The following NALCN variants were observed in gnomAD, a reference collection of about 807,000 sequenced individuals.
NALCN encodes the protein sodium leak channel, non-selective, also known as sodium leak channel NALCN.
A neutral mutation model predicts 225.3 loss-of-function variants in NALCN; 111 were observed. The observed-to-expected ratio is 0.49, with a 90% confidence interval of 0.42 to 0.58. The LOEUF (loss-of-function observed/expected upper bound fraction) is 0.58. Among genes scored for constraint, NALCN ranks in the 20% least tolerant of loss-of-function variants. The pLI, the probability that NALCN is intolerant of heterozygous loss-of-function variation, is 0.00. For missense variants in NALCN, 1,378 were observed against 2,202.4 expected, an observed-to-expected ratio of 0.63 and a Z score of 7.49; for synonymous variants, 764 against 769.0, an observed-to-expected ratio of 0.99 and a Z score of 0.11.
At chr13:101,291,917 A>G (rs1293235784) in intron 9 of NALCN, 73 bp downstream of exon 9, 7 of 1,452,316 alleles carry the variant, frequency 4.8e-6, no homozygotes, top group African/African-American at 2.8e-5. Flanking sequence ...AGCTTCCCCA[A>G]GGTCCACTGA....
chr13:101,275,692 T>C (rs377762902), intron 10 of NALCN, among the ~76,000 whole-genome samples: 1 of 152,006 alleles, frequency 6.6e-6, no homozygotes, highest in East Asian at 1.9e-4. Context: ...GAGGAGGTCA[T>C]GTTGGGAGAT....
intron 17 of NALCN, among the ~76,000 whole-genome samples, chr13:101,136,651 T>G (rs1013172039): frequency 9.2e-5 from 14 of 152,262 alleles, no homozygotes; most frequent in African/African-American, 3.1e-4. Context: ...TTTTTATGAC[T>G]GCATAGTATT....
intron 18 of NALCN, among the ~76,000 whole-genome samples, chr13:101,115,991 G>A (rs1458138222): frequency 6.6e-6 from 1 of 152,156 alleles, no homozygotes; most frequent in Non-Finnish European, 1.5e-5. Flanking sequence ...TTGTCTGGGT[G>A]AGGAAATTCT....
chr13:101,233,680 C>G (rs1185106781), intron 12 of NALCN, among the ~76,000 whole-genome samples: 1 of 152,068 alleles, frequency 6.6e-6, no homozygotes, highest in African/African-American at 2.4e-5. Context: ...GGTATGCGGT[C>G]TTGGGCAAGT....
At chr13:101,066,559 C>G (rs568921994) in intron 39 of NALCN, among the ~76,000 whole-genome samples, 8 of 149,966 alleles carry the variant, frequency 5.3e-5, no homozygotes, top group Non-Finnish European at 1.0e-4. Flanking sequence ...ACTGACATCT[C>G]GGTGTGCAGG....
chr13:101,058,137 T>A (rs1318082790), intron 42 of NALCN, 81 bp from the exon 43 acceptor site: 1 of 1,202,714 alleles, frequency 8.3e-7, no homozygotes, highest in Non-Finnish European at 1.2e-6. Context: ...GGAAAACACA[T>A]GGCAGGAGGA....
At chr13:101,182,717 G>A (rs562117399) in intron 14 of NALCN, among the ~76,000 whole-genome samples, 26 of 152,228 alleles carry the variant, frequency 1.7e-4, no homozygotes, top group African/African-American at 4.3e-4. Context: ...CTGGCACTCC[G>A]GGTGAGAGAT....
intron 6 of NALCN, among the ~76,000 whole-genome samples, chr13:101,371,482 C>G (rs1440781114): frequency 1.3e-5 from 2 of 152,152 alleles, no homozygotes; most frequent in Non-Finnish European, 2.9e-5. Flanking sequence ...CTGTACCCAG[C>G]TTGATCAACT....
At chr13:101,288,444 C>G (rs1222286026) in intron 9 of NALCN, among the ~76,000 whole-genome samples, 1 of 152,010 alleles carries the variant, frequency 6.6e-6, no homozygotes, top group African/African-American at 2.4e-5. Context: ...TCCATTTTTT[C>G]TCTACTTTTT....
chr13:101,146,559 C>G (rs961926297), intron 15 of NALCN, among the ~76,000 whole-genome samples: 1 of 152,098 alleles, frequency 6.6e-6, no homozygotes, highest in Non-Finnish European at 1.5e-5. Context: ...TAGAAAAATA[C>G]TTGTCAGTGG....
chr13:101,387,888 A>T (rs1594772591), intron 3 of NALCN, among the ~76,000 whole-genome samples: 1 of 152,348 alleles, frequency 6.6e-6, no homozygotes, highest in East Asian at 1.9e-4. Context: ...TGCAAAGCTA[A>T]TAAAATATAA....
In NALCN at chr13:101,158,522, C is replaced by T. The variant is rs2038013573; in HGVS notation, c.1840-13626G>A. ...CTTAGAAAATATTCTTCTTGACAGTCCTTTCTTGACAAGCTACTGCTAGCT... is the reference window on the plus strand; with the variant it reads ...CTTAGAAAATATTCTTCTTGACAGTTCTTTCTTGACAAGCTACTGCTAGCT... On this transcript the variant is annotated intron_variant, in intron 15 of 43. Coordinates refer to ENST00000251127, the MANE Select transcript of NALCN (RefSeq NM_052867.4). Among the ~76,000 whole-genome samples, 4 of 152,240 alleles carry T rather than the reference C, an allele frequency of 2.6e-5. No homozygotes were observed. In the South Asian group the frequency reaches 8.3e-4, roughly 32 times the overall value.
At chr13:101,147,920 T>C (rs562865240) in intron 15 of NALCN, among the ~76,000 whole-genome samples, 2 of 152,264 alleles carry the variant, frequency 1.3e-5, no homozygotes, top group African/African-American at 4.8e-5. Context: ...TCTTTTTCTC[T>C]TGAACTCCAT....
At chr13:101,142,169 T>A (rs1223782783) in intron 17 of NALCN, among the ~76,000 whole-genome samples, 1 of 123,702 alleles carries the variant, frequency 8.1e-6, no homozygotes, top group Non-Finnish European at 1.6e-5. Context: ...TGAGATGGAG[T>A]CTCACTCTGT....
intron 7 of NALCN, among the ~76,000 whole-genome samples, chr13:101,307,168 C>T (rs776029654): frequency 5.3e-5 from 8 of 152,128 alleles, no homozygotes; most frequent in Admixed American, 3.3e-4. Context: ...CCCTCTTTGT[C>T]GCTTGGAGAA....
chr13:101,398,416 A>G lies in NALCN; in HGVS notation c.108+603T>C, dbSNP rs117334688. On this transcript the variant is annotated intron_variant, in intron 2 of 43. Transcript: ENST00000251127. The stretch of plus-strand genomic sequence containing the variant: ...AGAAGTTGATCCTGCTTGGTTTTGC[A>G]GAGCTGAGATTCCAGCACTCATGGA... Among the ~76,000 whole-genome samples the G allele has an allele frequency of 2.6e-3, 393 of 152,306 alleles. 12 individuals carry two copies. The East Asian group carries it at 0.069, about 27-fold the overall frequency.
intron 42 of NALCN, 131 bp downstream of exon 42, chr13:101,059,686 TA>T: frequency 1.2e-6 from 1 of 801,980 alleles, no homozygotes; most frequent in East Asian, 2.8e-5. Context: ...TTTTTTTTTT[TA>T]ATGAAAATAT....
intron 15 of NALCN, among the ~76,000 whole-genome samples, chr13:101,148,232 CA>C (rs1403266526): frequency 6.6e-6 from 1 of 152,154 alleles, no homozygotes; most frequent in Admixed American, 6.6e-5. Flanking sequence ...CCAGCAGGGC[CA>C]TGCTCTCTCT....
At chr13:101,199,310 T>A (rs994009018) in intron 13 of NALCN, among the ~76,000 whole-genome samples, 2 of 150,226 alleles carry the variant, frequency 1.3e-5, no homozygotes, top group African/African-American at 2.4e-5. Flanking sequence ...TTGGAAAAAA[T>A]AAATAAATAA....
Sources: gnomAD v4.1 joint callset for allele counts (sites outside exome capture counted in the v4.1 genomes callset) on GRCh38, gnomAD v4.1.1 for gene constraint, MANE v1.5 for transcripts, NCBI Gene and HGNC (gene_info 2026-07-23, HGNC 2026-07-21) for gene names.